DYRK1A: variants seen among roughly 807,000 people sequenced by gnomAD.
DYRK1A encodes the protein dual specificity tyrosine phosphorylation regulated kinase 1A, also known as dual specificity tyrosine-phosphorylation-regulated kinase 1A.
DYRK1A carries 9 observed loss-of-function variants against 79.7 expected under a neutral mutation model. The ratio of observed to expected loss-of-function variants is 0.11; its 90% CI spans 0.07 to 0.20. The LOEUF (loss-of-function observed/expected upper bound fraction) is 0.20. Ranked by LOEUF, DYRK1A falls within the 10% of genes least tolerant of loss-of-function variation. The pLI is 1.00. For missense variants in DYRK1A, 622 were observed against 956.0 expected, an observed-to-expected ratio of 0.65 and a Z score of 4.61; for synonymous variants, 349 against 329.7, an observed-to-expected ratio of 1.06 and a Z score of -0.63.
chr21:37,492,904 C>A, intron 7 of DYRK1A, 113 bp from the exon 8 acceptor site: 1 of 832,184 alleles, frequency 1.2e-6, no homozygotes. Context: ...CAATGGAACC[C>A]TAATTCAGGA....
chr21:37,499,152 A>C (rs2148634304), intron 9 of DYRK1A, among the ~76,000 whole-genome samples: 2 of 152,024 alleles, frequency 1.3e-5, no homozygotes, highest in South Asian at 4.1e-4. Context: ...TTTGTTTGGT[A>C]CTTTTTTTAT....
chr21:37,370,937 G>C (rs1336669447), intron 1 of DYRK1A, among the ~76,000 whole-genome samples: 1 of 152,140 alleles, frequency 6.6e-6, no homozygotes, highest in African/African-American at 2.4e-5. Context: ...TGGTGGTTTT[G>C]CCTTTTAAAA....
chr21:37,436,472 G>T lies in DYRK1A; in HGVS notation c.10+16088G>T, dbSNP rs535689122. The stretch of plus-strand genomic sequence containing the variant: ...TTCTGGCTTTTTGTCACTTGGTTTT[G>T]TTGGAAGCAGGGCTGTCCACTTTTT... On this transcript the variant is annotated intron_variant, in intron 2 of 11. Coordinates refer to ENST00000647188, the MANE Select transcript of DYRK1A (RefSeq NM_001347721.2). Among the ~76,000 whole-genome samples, 9 of 152,228 alleles carry T rather than the reference G, an allele frequency of 5.9e-5. No homozygotes were observed. The South Asian group carries it at 1.7e-3, about 28-fold the overall frequency.
intron 8 of DYRK1A, among the ~76,000 whole-genome samples, chr21:37,494,364 G>C (rs1233418012): frequency 2.0e-5 from 3 of 151,870 alleles, no homozygotes; most frequent in Admixed American, 6.6e-5. Context: ...GGTCCTTTGA[G>C]TAACCCACAG....
chr21:37,375,685 C>T (rs1047927523), intron 1 of DYRK1A, among the ~76,000 whole-genome samples: 1 of 151,678 alleles, frequency 6.6e-6, no homozygotes, highest in Admixed American at 6.6e-5. Context: ...GTCACATACC[C>T]GACTAATTTT....
Position 37,523,440 on chromosome 21 carries a change from G to GGGTT in DYRK1A, c.*10911_*10914dup, listed in dbSNP as rs2148677739. 6.6e-6 allele frequency: 1 copy of GGGTT among 152,296 alleles called. No homozygotes were observed. Among genetic ancestry groups the GGGTT allele is most frequent in the South Asian group, 2.1e-4 (1 of 4,816 alleles). 9.4% of individuals were successfully genotyped at this position (152,296 alleles called of 1,614,324 possible). A position where few individuals can be genotyped will look rare whatever the true frequency, so the allele number is the denominator to read the frequency against. Reference sequence around the variant, plus strand: ...AGGACCCTGAACAAAGGTGGAAGTAGGGTTGTAAATGGAAGAAAAAATAAG... The same window carrying GGGTT: ...AGGACCCTGAACAAAGGTGGAAGTAGGGTTGGTTGTAAATGGAAGAAAAAATAAG... On this transcript the variant is annotated 3_prime_UTR_variant, in exon 12 of 12. Coordinates refer to ENST00000647188, the MANE Select transcript of DYRK1A (RefSeq NM_001347721.2).
Position 37,519,204 on chromosome 21 carries a change from G to A in DYRK1A, c.*6673G>A, listed in dbSNP as rs945723227. On this transcript the variant is annotated 3_prime_UTR_variant, in exon 12 of 12. Transcript: ENST00000647188. ...ATGGAATTAGTTCCTTTATATCTCAGTCTCATCTGGTCTTGTAAGCCGGTG... is the reference window on the plus strand; with the variant it reads ...ATGGAATTAGTTCCTTTATATCTCAATCTCATCTGGTCTTGTAAGCCGGTG... The A allele has an allele frequency of 2.0e-5, 3 of 152,122 alleles. No homozygotes were observed. Among genetic ancestry groups the A allele is most frequent in the African/African-American group, 7.2e-5 (3 of 41,404 alleles). 9.4% of individuals were successfully genotyped at this position (152,122 alleles called of 1,614,324 possible). A position where few individuals can be genotyped will look rare whatever the true frequency, so the allele number is the denominator to read the frequency against.
intron 3 of DYRK1A, among the ~76,000 whole-genome samples, chr21:37,474,741 A>G (rs2052340781): frequency 6.6e-6 from 1 of 152,204 alleles, no homozygotes; most frequent in Non-Finnish European, 1.5e-5. Context: ...TAATCATCCT[A>G]TCAGATGTCT....
intron 1 of DYRK1A, among the ~76,000 whole-genome samples, chr21:37,373,521 C>G (rs573275147): frequency 6.6e-6 from 1 of 152,160 alleles, no homozygotes; most frequent in Non-Finnish European, 1.5e-5. Flanking sequence ...AACAGTATAA[C>G]TTATCTAAGG....
chr21:37,373,712 T>A (rs2049479699), intron 1 of DYRK1A, among the ~76,000 whole-genome samples: 2 of 152,324 alleles, frequency 1.3e-5, no homozygotes, highest in East Asian at 3.9e-4. Context: ...CATACATGAT[T>A]TTTCTTCATA....
intron 1 of DYRK1A, among the ~76,000 whole-genome samples, chr21:37,407,714 T>C (rs991617189): frequency 1.3e-5 from 2 of 152,232 alleles, no homozygotes; most frequent in Admixed American, 1.3e-4. Flanking sequence ...GAATGTGTTG[T>C]TTATAATATG....
rs149417608 is a variant in DYRK1A at position 37,505,381 on chromosome 21, C to T, written c.1311C>T (p.Val437=). The T allele has an allele frequency of 2.8e-5, 45 of 1,614,114 alleles. No individual in the cohort carries two copies. Among genetic ancestry groups the T allele is most frequent in the Admixed American group, 6.7e-5 (4 of 60,012 alleles). The part of the protein sequence containing the change: ...GRRAGESGHT[V]ADYLKFKDLI... The stretch of plus-strand genomic sequence containing the variant: ...GTGCTGGGGAGTCAGGTCATACGGT[C>T]GCTGACTACTTGAAGTTCAAAGACC... Residue 437 remains valine (V), a synonymous_variant, in exon 10 of 12, where the codon GTC becomes GTT. Transcript: ENST00000647188.
At position 37,515,208 on chromosome 21, in the gene DYRK1A, AT is replaced by A. The variant is rs1197064691; in HGVS notation, c.*2680del. On this transcript the variant is annotated 3_prime_UTR_variant, in exon 12 of 12. Transcript: ENST00000647188. The stretch of plus-strand genomic sequence containing the variant: ...CTTTACTATGCTTTTTTAAAAATTA[AT>A]TTAAGAAAAATGTAAACATAGTAAA... 1 of 152,632 alleles carries A rather than the reference AT, an allele frequency of 6.6e-6. No homozygotes were observed. The highest frequency in any genetic ancestry group is 1.9e-4 in the East Asian group (1 of 5,202). The allele number at this position is 152,632 out of a possible 1,614,324, so 9.5% of individuals were successfully genotyped here.
rs998677179 is a variant in DYRK1A at position 37,523,250 on chromosome 21, A to C, written c.*10719A>C. 2.0e-5 allele frequency: 3 copies of C among 152,418 alleles called. No individual in the cohort carries two copies. The highest frequency in any genetic ancestry group is 4.4e-5 in the Non-Finnish European group (3 of 68,048). 9.4% of individuals were successfully genotyped at this position (152,418 alleles called of 1,614,324 possible). ...GAGTTGAGGTCGCACTTTTTTGCCCATGCTGGTCTTGAACCCCTGGGCTCA... is the reference window on the plus strand; with the variant it reads ...GAGTTGAGGTCGCACTTTTTTGCCCCTGCTGGTCTTGAACCCCTGGGCTCA... On this transcript the variant is annotated 3_prime_UTR_variant, in exon 12 of 12. Coordinates refer to ENST00000647188, the MANE Select transcript of DYRK1A (RefSeq NM_001347721.2).
chr21:37,499,991 A>G (rs1337107641), intron 9 of DYRK1A, among the ~76,000 whole-genome samples: 2 of 152,206 alleles, frequency 1.3e-5, no homozygotes, highest in Non-Finnish European at 2.9e-5. Flanking sequence ...TGGGTTCCGC[A>G]TGGCCTCCTT....
chr21:37,468,540 A>G (rs965464799), intron 2 of DYRK1A, among the ~76,000 whole-genome samples: 17 of 152,210 alleles, frequency 1.1e-4, no homozygotes, highest in African/African-American at 4.1e-4. Context: ...AGAACAGAAT[A>G]GGCAGTCCAA....
intron 1 of DYRK1A, among the ~76,000 whole-genome samples, chr21:37,387,282 G>C (rs1474537596): frequency 1.3e-5 from 2 of 152,168 alleles, no homozygotes; most frequent in African/African-American, 2.4e-5. Flanking sequence ...TCCAGCTCCT[G>C]ATTATAGTTA....
chr21:37,446,252 G>C (rs969712585), intron 2 of DYRK1A, among the ~76,000 whole-genome samples: 1 of 152,162 alleles, frequency 6.6e-6, no homozygotes, highest in Non-Finnish European at 1.5e-5. Context: ...GGATTACATT[G>C]CTGTCTTATT....
intron 1 of DYRK1A, among the ~76,000 whole-genome samples, chr21:37,371,589 C>T (rs1421130634): frequency 2.0e-5 from 3 of 152,176 alleles, no homozygotes; most frequent in Non-Finnish European, 2.9e-5. Context: ...TATGTATCTT[C>T]TCTTCTAGAA....
Sources: gnomAD v4.1 joint callset for allele counts (sites outside exome capture counted in the v4.1 genomes callset) on GRCh38, gnomAD v4.1.1 for gene constraint, MANE v1.5 for transcripts, NCBI Gene and HGNC (gene_info 2026-07-23, HGNC 2026-07-21) for gene names.